Variants in TENM3 observed in about 807,000 individuals in gnomAD.
TENM3 encodes the protein teneurin-3.
TENM3 carries 63 observed loss-of-function variants against 255.1 expected under a neutral mutation model. That is an observed-to-expected ratio of 0.25 (90% CI 0.20 to 0.30). The LOEUF is 0.30. Among genes scored for constraint, TENM3 ranks in the 10% least tolerant of loss-of-function variants. The pLI is 1.00. For synonymous variants in TENM3, 1,306 were observed against 1,322.3 expected (o/e 0.99, Z 0.27); for missense variants, 2,929 against 3,461.1 (o/e 0.85, Z 3.86).
the TENM3 span, among the ~76,000 whole-genome samples, chr4:181,473,644 A>G: frequency 6.6e-6 from 1 of 151,070 alleles, no homozygotes; most frequent in Non-Finnish European, 1.5e-5. Context: ...TCTTGAGCAG[A>G]TTTTGGGTCT....
At chr4:182,556,743 G>T (rs1055322122) in intron 3 of TENM3, among the ~76,000 whole-genome samples, 1 of 152,104 alleles carries the variant, frequency 6.6e-6, no homozygotes, top group African/African-American at 2.4e-5. Context: ...CTGAAATGAC[G>T]ATGACCCACT....
chr4:182,512,515 T>C (rs1012760969), intron 3 of TENM3, among the ~76,000 whole-genome samples: 2 of 152,200 alleles, frequency 1.3e-5, no homozygotes, highest in Non-Finnish European at 2.9e-5. Flanking sequence ...ATGGGTATGA[T>C]CAAATGTCAC....
Position 182,667,913 on chromosome 4 carries a change from C to T in TENM3, c.1112-5092C>T, listed in dbSNP as rs192436906. Among the ~76,000 whole-genome samples, 147 of 151,718 alleles carry T rather than the reference C, an allele frequency of 9.7e-4. 1 individual carries two copies. Among genetic ancestry groups the T allele is most frequent in the African/African-American group, 3.3e-3 (135 of 41,292 alleles). On this transcript the variant is annotated intron_variant, in intron 6 of 27. Coordinates refer to ENST00000511685, the MANE Select transcript of TENM3 (RefSeq NM_001080477.4). ...TGTATACATATGTAACAAACCTGCA[C>T]GTTTTGCACGTGTACCCTAGAACTT...
the TENM3 span, among the ~76,000 whole-genome samples, chr4:182,132,034 T>G: frequency 0.042 from 1 of 24 alleles, no homozygotes; most frequent in African/African-American, 0.071. Flanking sequence ...AAAACAGTGA[T>G]TTTTACTTTA....
At chr4:182,232,721 TC>T (rs963598209) in intron 1 of TENM3, among the ~76,000 whole-genome samples, 21 of 151,998 alleles carry the variant, frequency 1.4e-4, no homozygotes, top group African/African-American at 4.8e-4. Flanking sequence ...ATACATGAAT[TC>T]CCCCCTTCTC....
chr4:182,759,748 A>G (rs1469347618), intron 22 of TENM3, among the ~76,000 whole-genome samples: 1 of 152,242 alleles, frequency 6.6e-6, no homozygotes, highest in Non-Finnish European at 1.5e-5. Context: ...TAAGGTTTTT[A>G]TCAATCACCA....
intron 3 of TENM3, among the ~76,000 whole-genome samples, chr4:182,401,420 TC>T (rs1200106237): frequency 6.6e-6 from 1 of 152,216 alleles, no homozygotes; most frequent in Non-Finnish European, 1.5e-5. Flanking sequence ...TTGAAATTAT[TC>T]TTTAAAATAC....
the TENM3 span, among the ~76,000 whole-genome samples, chr4:181,679,717 A>G: frequency 1.3e-5 from 2 of 152,180 alleles, no homozygotes; most frequent in Non-Finnish European, 2.9e-5. Flanking sequence ...ATGACAAGTC[A>G]AAACATTTGA....
At chr4:182,478,460 T>A (rs72701923) in intron 3 of TENM3, among the ~76,000 whole-genome samples, 7,241 of 151,932 alleles carry the variant, frequency 0.048, 231 homozygotes, top group Non-Finnish European at 0.071. Flanking sequence ...GTTTTTTTTT[T>A]AATAATTAAT....
At chr4:182,386,601 G>C (rs1486641198) in intron 3 of TENM3, among the ~76,000 whole-genome samples, 6 of 152,266 alleles carry the variant, frequency 3.9e-5, no homozygotes, top group African/African-American at 1.4e-4. Context: ...CGCAGCGCTT[G>C]CGGGCCAGCT....
chr4:182,196,069 G>GT (rs1054445539), intron 1 of TENM3, among the ~76,000 whole-genome samples: 1 of 152,110 alleles, frequency 6.6e-6, no homozygotes, highest in African/African-American at 2.4e-5. Flanking sequence ...TCTTTGGGCT[G>GT]TTTTTCCCTA....
chr4:181,585,632 T>A, the TENM3 span, among the ~76,000 whole-genome samples: 1 of 152,188 alleles, frequency 6.6e-6, no homozygotes, highest in Non-Finnish European at 1.5e-5. Context: ...AATAATGTAA[T>A]GCAGAAAAAA....
chr4:182,114,244 A>C, the TENM3 span, among the ~76,000 whole-genome samples: 1 of 151,998 alleles, frequency 6.6e-6, no homozygotes, highest in Admixed American at 6.6e-5. Flanking sequence ...GTTCCTGTGA[A>C]TCAAATGCAT....
intron 3 of TENM3, among the ~76,000 whole-genome samples, chr4:182,494,977 A>C (rs1170846693): frequency 6.6e-6 from 1 of 152,192 alleles, no homozygotes; most frequent in African/African-American, 2.4e-5. Flanking sequence ...TACCAAGTTC[A>C]TTACAGCAGC....
intron 1 of TENM3, among the ~76,000 whole-genome samples, chr4:182,159,731 A>T (rs1750981173): frequency 6.6e-6 from 1 of 152,104 alleles, no homozygotes; most frequent in Non-Finnish European, 1.5e-5. Flanking sequence ...CGGCCCGTGG[A>T]TGGCCGGAGA....
At chr4:182,611,380 A>G (rs1401356727) in intron 4 of TENM3, among the ~76,000 whole-genome samples, 15 of 151,414 alleles carry the variant, frequency 9.9e-5, no homozygotes, top group African/African-American at 3.6e-4. Flanking sequence ...CTAATGATGT[A>G]TTTAATTATT....
chr4:181,502,384 T>C, the TENM3 span, among the ~76,000 whole-genome samples: 1 of 152,136 alleles, frequency 6.6e-6, no homozygotes, highest in Admixed American at 6.5e-5. Flanking sequence ...GGGAGCTCTC[T>C]GTGGAATGAG....
At chr4:182,709,693 T>G (rs1391598492) in intron 12 of TENM3, among the ~76,000 whole-genome samples, 1 of 152,172 alleles carries the variant, frequency 6.6e-6, no homozygotes, top group African/African-American at 2.4e-5. Context: ...TTCAGAAAGT[T>G]TTTTCTTCCA....
At chr4:181,515,688 A>C in the TENM3 span, among the ~76,000 whole-genome samples, 1 of 152,078 alleles carries the variant, frequency 6.6e-6, no homozygotes, top group Non-Finnish European at 1.5e-5. Flanking sequence ...TTCCTGTGAC[A>C]CTGTTAAATA....
Sources: gnomAD v4.1 joint callset for allele counts (sites outside exome capture counted in the v4.1 genomes callset) on GRCh38, gnomAD v4.1.1 for gene constraint, MANE v1.5 for transcripts, NCBI Gene and HGNC (gene_info 2026-07-23, HGNC 2026-07-21) for gene names.